The following SRP72 variants were observed in gnomAD, a reference collection of about 807,000 sequenced individuals.
SRP72 encodes the protein signal recognition particle subunit SRP72.
A neutral mutation model predicts 96.3 loss-of-function variants in SRP72; 49 were observed. The ratio of observed to expected loss-of-function variants is 0.51; its 90% CI spans 0.40 to 0.65. The LOEUF (loss-of-function observed/expected upper bound fraction) is 0.65, where lower values mean the gene tolerates loss of function less well. SRP72 is among the 30% of genes least tolerant of loss of function. SRP72 has a pLI of 0.00. For synonymous variants in SRP72, 267 were observed against 275.2 expected (o/e 0.97, Z 0.30); for missense variants, 736 against 793.3 (o/e 0.93, Z 0.87).
At chr4:56,493,201 C>T (rs1720968926) in intron 16 of SRP72, among the ~76,000 whole-genome samples, 2 of 151,924 alleles carry the variant, frequency 1.3e-5, no homozygotes, top group South Asian at 4.2e-4. Flanking sequence ...TCACGCCTGG[C>T]TAATTTTTGT....
intron 2 of SRP72, among the ~76,000 whole-genome samples, chr4:56,470,195 T>C (rs918922570): frequency 2.1e-5 from 3 of 143,026 alleles, no homozygotes; most frequent in African/African-American, 7.7e-5. Flanking sequence ...CAATATATAT[T>C]ATACTTCCTT....
chr4:56,499,306 G>T (rs968944663), intron 17 of SRP72, among the ~76,000 whole-genome samples: 19 of 152,278 alleles, frequency 1.2e-4, no homozygotes, highest in African/African-American at 4.6e-4. Flanking sequence ...TACCATTCAG[G>T]ACATAGGCAT....
rs1251316802 is a variant in SRP72 at position 56,486,417 on chromosome 4, G to C, written c.1159+20G>C. On this transcript the variant is annotated intron_variant, in intron 11 of 18. Transcript: ENST00000642900. ...CTCAAGGTATTATGGTTTTCATCAT[G>C]ATTAAAATATTTTAATGAAAACATG... 1.3e-6 allele frequency: 2 copies of C among 1,550,376 alleles called. No homozygotes were observed.
In SRP72 at chr4:56,483,234, A is replaced by G; in HGVS notation, c.921A>G (p.Glu307=). The G allele has an allele frequency of 6.2e-7, 1 of 1,612,984 alleles. No individual in the cohort carries two copies. Among genetic ancestry groups the G allele is most frequent in the South Asian group, 1.1e-5 (1 of 90,974 alleles). The change falls in exon 9 of 19, where the codon GAA becomes GAG. Residue 307 remains glutamate (E), a synonymous_variant. Coordinates refer to ENST00000642900, the MANE Select transcript of SRP72 (RefSeq NM_006947.4). The part of the protein sequence containing the change: ...KLSKKQLQAI[E]FNKALLAMYT... Reference sequence around the variant, plus strand: ...CCAAGAAACAACTACAAGCTATAGAATTTAACAAAGCTTTACTTGCTATGT... The same window carrying G: ...CCAAGAAACAACTACAAGCTATAGAGTTTAACAAAGCTTTACTTGCTATGT...
rs569106947 is a variant in SRP72 at position 56,488,150 on chromosome 4, T to G, written c.1224+137T>G. On this transcript the variant is annotated intron_variant, in intron 12 of 18. Coordinates refer to ENST00000642900, the MANE Select transcript of SRP72 (RefSeq NM_006947.4). Reference sequence around the variant, plus strand: ...AGTAATTATAATAGTAATAGTTGTCTGGTATAAATTTAATTTCATTCTCTG... The same window carrying G: ...AGTAATTATAATAGTAATAGTTGTCGGGTATAAATTTAATTTCATTCTCTG... 26 of 600,476 alleles carry G rather than the reference T, an allele frequency of 4.3e-5. No homozygotes were observed. The African/African-American group carries it at 4.5e-4, about 10-fold the overall frequency. The allele number at this position is 600,476 out of a possible 1,614,324, so 37.2% of individuals were successfully genotyped here.
rs1230527796 is a variant in SRP72 at position 56,503,099 on chromosome 4, C to G, written c.*1238C>G. 1 of 152,196 alleles carries G rather than the reference C, an allele frequency of 6.6e-6. No individual in the cohort carries two copies. The highest frequency in any genetic ancestry group is 1.5e-5 in the Non-Finnish European group (1 of 68,036). 9.4% of individuals were successfully genotyped at this position (152,196 alleles called of 1,614,324 possible). On this transcript the variant is annotated 3_prime_UTR_variant, in exon 19 of 19. Transcript: ENST00000642900. ...GCTGCTGTGTTTGACTCTGAACATA[C>G]TACCAAAACTTCTTCAAAGAGTTTT...
At chr4:56,498,004 A>G (rs750898704) in intron 17 of SRP72, among the ~76,000 whole-genome samples, 65 of 152,176 alleles carry the variant, frequency 4.3e-4, no homozygotes, top group Non-Finnish European at 7.8e-4. Flanking sequence ...AGTGGTTTAC[A>G]TAGTGATCAG....
intron 2 of SRP72, 134 bp from the exon 3 acceptor site, chr4:56,471,586 G>C: frequency 2.1e-6 from 2 of 961,356 alleles, no homozygotes; most frequent in Non-Finnish European, 1.5e-6. Context: ...CTGATATTTA[G>C]ACAAGTCTCT....
chr4:56,475,531 C>T (rs1177735607), intron 5 of SRP72: 1 of 147,316 alleles, frequency 6.8e-6, no homozygotes, highest in African/African-American at 2.5e-5. Context: ...CACTGTATTC[C>T]AGCCTGGGTG....
chr4:56,477,450 G>A (rs1037325479), intron 6 of SRP72, among the ~76,000 whole-genome samples: 1 of 151,410 alleles, frequency 6.6e-6, no homozygotes, highest in Non-Finnish European at 1.5e-5. Flanking sequence ...ACCATGCCCA[G>A]CTAATTATTT....
intron 17 of SRP72, among the ~76,000 whole-genome samples, chr4:56,499,815 C>T (rs1721196207): frequency 6.6e-6 from 1 of 152,164 alleles, no homozygotes. Context: ...GGCAATTCCT[C>T]AAGGACCTAG....
At chr4:56,493,607 G>A (rs1161217397) in intron 16 of SRP72, among the ~76,000 whole-genome samples, 1 of 151,634 alleles carries the variant, frequency 6.6e-6, no homozygotes. Context: ...GCTCATGCCT[G>A]TAATCCCAGC....
chr4:56,478,386 C>T lies in SRP72; in HGVS notation c.650C>T (p.Thr217Ile). ...AACATTTCTTTCTCTTAGGATGGGACTGAGGAAGACCCACAGGCAGAACTG... is the reference window on the plus strand; with the variant it reads ...AACATTTCTTTCTCTTAGGATGGGATTGAGGAAGACCCACAGGCAGAACTG... Reference protein sequence around the residue: ...RRSLSEDTDGTEEDPQAELAI... With the variant: ...RRSLSEDTDGIEEDPQAELAI... The change falls in exon 7 of 19, where the codon ACT (threonine) becomes ATT (isoleucine). Residue 217 changes from threonine to isoleucine, a missense_variant. By Grantham distance (89) the Thr-to-Ile change is moderately conservative. Transcript: ENST00000642900. The T allele has an allele frequency of 6.2e-7, 1 of 1,602,588 alleles. No homozygotes were observed. Among genetic ancestry groups the T allele is most frequent in the Non-Finnish European group, 8.5e-7 (1 of 1,175,942 alleles).
chr4:56,477,812 A>T (rs1294139825), intron 6 of SRP72, among the ~76,000 whole-genome samples: 2 of 152,194 alleles, frequency 1.3e-5, no homozygotes, highest in Non-Finnish European at 2.9e-5. Context: ...AATCTGGAGC[A>T]TCGGTTAAGA....
rs1485988462 is a variant in SRP72 at position 56,487,991 on chromosome 4, A to C, written c.1202A>C (p.Glu401Ala). ...KACLILRSIE[E>A]LKHKPGMVSA... ...TGTCTAATATTGAGAAGCATAGAGG[A>C]GTTAAAGCATAAACCAGGCATGGTG... Residue 401 changes from glutamate (E) to alanine (A), a missense_variant, in exon 12 of 19, where the codon GAG (glutamate) becomes GCG (alanine). Glu to Ala is a moderately radical substitution (Grantham distance 107, BLOSUM62 -1). Transcript: ENST00000642900. 1.3e-6 allele frequency: 2 copies of C among 1,599,368 alleles called. No homozygotes were observed. Among genetic ancestry groups the C allele is most frequent in the Non-Finnish European group, 1.7e-6 (2 of 1,176,416 alleles).
intron 14 of SRP72, 51 bp downstream of exon 14, chr4:56,490,487 T>G (rs1279893066): frequency 6.3e-7 from 1 of 1,599,542 alleles, no homozygotes; most frequent in South Asian, 1.1e-5. Flanking sequence ...TTGTTGCTAC[T>G]TGATATGAGG....
intron 17 of SRP72, among the ~76,000 whole-genome samples, chr4:56,496,868 A>G (rs1721086543): frequency 6.6e-6 from 1 of 152,068 alleles, no homozygotes; most frequent in African/African-American, 2.4e-5. Context: ...GCGTGCCTGT[A>G]ATCCCAGCTA....
intron 17 of SRP72, among the ~76,000 whole-genome samples, chr4:56,497,377 G>A (rs923820929): frequency 2.0e-5 from 3 of 151,526 alleles, no homozygotes; most frequent in African/African-American, 4.8e-5. Context: ...ACCCCACCAC[G>A]CCCAGCTAAT....
At chr4:56,491,853 A>G (rs1011797927) in intron 16 of SRP72, among the ~76,000 whole-genome samples, 11 of 148,664 alleles carry the variant, frequency 7.4e-5, no homozygotes, top group Non-Finnish European at 1.5e-4. Context: ...ATTTATTACT[A>G]TTTTTTTTTT....
Sources: allele counts gnomAD v4.1 joint callset (sites outside exome capture counted in the v4.1 genomes callset), GRCh38; gene constraint gnomAD v4.1.1; transcripts MANE v1.5; gene names NCBI Gene and HGNC (gene_info 2026-07-23, HGNC 2026-07-21).